Variants in MTMR3 observed in about 807,000 individuals in gnomAD.
MTMR3 encodes phosphatidylinositol-3,5-bisphosphate 3-phosphatase MTMR3.
In MTMR3, 32 loss-of-function variants were observed where a neutral mutation model predicts 132.4. The observed-to-expected ratio is 0.24, with a 90% CI of 0.18 to 0.32. The LOEUF is 0.32. Ranked by LOEUF, MTMR3 falls within the 10% of genes least tolerant of loss-of-function variation. MTMR3 has a pLI of 1.00. For missense variants in MTMR3, 1,216 were observed against 1,489.6 expected, an observed-to-expected ratio of 0.82 and a Z score of 3.02; for synonymous variants, 556 against 550.3, an observed-to-expected ratio of 1.01 and a Z score of -0.14.
intron 9 of MTMR3, chr22:30,003,304 A>G (rs1333083846): frequency 5.0e-6 from 1 of 200,530 alleles, no homozygotes. Flanking sequence ...ATTTAGCTTC[A>G]GCTGTTAGCA....
chr22:29,935,619 G>A (rs2065733216), intron 1 of MTMR3, among the ~76,000 whole-genome samples: 1 of 152,098 alleles, frequency 6.6e-6, no homozygotes, highest in Admixed American at 6.5e-5. Context: ...GCCACAAATT[G>A]TAGAGAATAG....
intron 2 of MTMR3, among the ~76,000 whole-genome samples, chr22:29,966,720 GGTGTGCGTGTGTGTGT>G (rs2066423225): frequency 8.6e-6 from 1 of 116,178 alleles, no homozygotes; most frequent in Non-Finnish European, 1.7e-5. Context: ...GACCTGTAGG[GGTGTGCGTGTGTGTGT>G]GTGTGTGTGT....
chr22:29,940,788 T>C (rs1470141632), intron 1 of MTMR3, among the ~76,000 whole-genome samples: 1 of 150,098 alleles, frequency 6.7e-6, no homozygotes, highest in Non-Finnish European at 1.5e-5. Context: ...CCTTGGAGGC[T>C]AATTATATTT....
At chr22:30,013,190 C>T in intron 13 of MTMR3, 166 bp from the exon 14 acceptor site, 1 of 538,582 alleles carries the variant, frequency 1.9e-6, no homozygotes. Context: ...GGGAAATTTC[C>T]CTAAGTGTGT....
At chr22:30,002,284 A>G (rs12484983) in intron 8 of MTMR3, 9,042 of 152,388 alleles carry the variant, frequency 0.059, 506 homozygotes, top group South Asian at 0.24. Context: ...GAGGCTGTGT[A>G]TGCAGATAGA....
chr22:29,892,116 G>A (rs1418345795), intron 1 of MTMR3, among the ~76,000 whole-genome samples: 1 of 151,272 alleles, frequency 6.6e-6, no homozygotes, highest in Non-Finnish European at 1.5e-5. Context: ...TTGTGCCACT[G>A]CACTGCAGCC....
chr22:29,956,626 T>C (rs963120784), intron 1 of MTMR3, among the ~76,000 whole-genome samples: 4 of 152,230 alleles, frequency 2.6e-5, no homozygotes, highest in African/African-American at 9.6e-5. Flanking sequence ...AAGCCAATTA[T>C]GTGTACAAAA....
In MTMR3 at chr22:29,910,742, T is replaced by G. The variant is rs1278393229; in HGVS notation, c.-138+27383T>G. 2.0e-5 allele frequency among the ~76,000 whole-genome samples: 3 copies of G among 151,314 alleles called. No homozygotes were observed. In the East Asian group the frequency reaches 5.8e-4, roughly 29 times the overall value. ...TTTTTTTTTTTTAACCTGTTAAGAC[T>G]TTTTTTTTCTTTCTCATATTTACCC... On this transcript the variant is annotated intron_variant, in intron 1 of 19. Coordinates refer to ENST00000401950, the MANE Select transcript of MTMR3 (RefSeq NM_021090.4).
rs1211095748 is a variant in MTMR3 at position 29,903,393 on chromosome 22, T to TC, written c.-138+20034_-138+20035insC. Among the ~76,000 whole-genome samples the TC allele has an allele frequency of 2.2e-3, 313 of 144,490 alleles. 1 individual carries two copies. Among genetic ancestry groups the TC allele is most frequent in the Middle Eastern group, 7.1e-3 (2 of 282 alleles). The allele number at this position is 144,490 out of a possible 152,430, so 94.8% of individuals were successfully genotyped here. On this transcript the variant is annotated intron_variant, in intron 1 of 19. Transcript: ENST00000401950. ...TTTTCTTTTTTTCTTTTTCTTTCTTTTTTTTTTTTTTTTTTGAGACAGGGT... is the reference window on the plus strand; with the variant it reads ...TTTTCTTTTTTTCTTTTTCTTTCTTTCTTTTTTTTTTTTTTTGAGACAGGGT...
chr22:29,951,723 A>G (rs1305277427), intron 1 of MTMR3, among the ~76,000 whole-genome samples: 3 of 152,166 alleles, frequency 2.0e-5, no homozygotes, highest in African/African-American at 7.2e-5. Flanking sequence ...AAAAAGGTCA[A>G]TTTATGTAAA....
intron 1 of MTMR3, among the ~76,000 whole-genome samples, chr22:29,886,828 T>C (rs2064687049): frequency 1.3e-5 from 2 of 152,192 alleles, no homozygotes; most frequent in South Asian, 4.1e-4. Flanking sequence ...GGTTTTACAT[T>C]GGGAACTTCA....
chr22:29,949,125 ACACACACACACACACACACCC>A (rs2066009468), intron 1 of MTMR3, among the ~76,000 whole-genome samples: 5 of 29,720 alleles, frequency 1.7e-4, no homozygotes, highest in Non-Finnish European at 2.5e-4. Flanking sequence ...ACACACACAC[ACACACACACACACACACACCC>A]CCCCCCCCCC....
intron 12 of MTMR3, 69 bp from the exon 13 acceptor site, chr22:30,012,299 C>G: frequency 6.7e-7 from 1 of 1,496,942 alleles, no homozygotes; most frequent in Non-Finnish European, 9.1e-7. Flanking sequence ...TTTCATTTGA[C>G]AATCATTGAG....
intron 1 of MTMR3, among the ~76,000 whole-genome samples, chr22:29,948,186 G>T (rs556597335): frequency 6.6e-6 from 1 of 152,290 alleles, no homozygotes; most frequent in African/African-American, 2.4e-5. Context: ...TTTCAATTGT[G>T]ATGACAGCAG....
chr22:29,927,939 G>GT (rs764629136), intron 1 of MTMR3, among the ~76,000 whole-genome samples: 13,652 of 106,882 alleles, frequency 0.13, 1,681 homozygotes, highest in African/African-American at 0.2. Flanking sequence ...TCTAGCCTTT[G>GT]TTTTTTTTTT....
rs1460914471 is a variant in MTMR3 at position 30,024,317 on chromosome 22, GA to G, written c.3426-1310del. The G allele has an allele frequency of 7.2e-5, 11 of 152,296 alleles. No individual in the cohort carries two copies. In the East Asian group the frequency reaches 2.1e-3, roughly 29 times the overall value. 9.4% of individuals were successfully genotyped at this position (152,296 alleles called of 1,614,324 possible). A position where few individuals can be genotyped will look rare whatever the true frequency, so the allele number is the denominator to read the frequency against. ...TCCCATCTCGAAAAAGTAAAGAAAA[GA>G]AAGAAAAGCATCAAATTCATGTCAG... On this transcript the variant is annotated intron_variant, in intron 19 of 19. Transcript: ENST00000401950.
At chr22:29,947,697 CT>C (rs1347645750) in intron 1 of MTMR3, among the ~76,000 whole-genome samples, 2 of 152,106 alleles carry the variant, frequency 1.3e-5, no homozygotes, top group African/African-American at 2.4e-5. Flanking sequence ...GTACTTTTGC[CT>C]TCCTTAAGTA....
At chr22:30,018,753 A>G (rs2067666844) in intron 16 of MTMR3, 1 of 151,740 alleles carries the variant, frequency 6.6e-6, no homozygotes, top group Non-Finnish European at 1.5e-5. Context: ...AAAAAAAAAG[A>G]AAAGAAAATT....
chr22:29,960,249 T>G (rs1352947157), intron 2 of MTMR3, among the ~76,000 whole-genome samples: 2 of 152,164 alleles, frequency 1.3e-5, no homozygotes. Flanking sequence ...GGGGGAATAT[T>G]GCTGTGAAGG....
Sources: allele counts gnomAD v4.1 joint callset (sites outside exome capture counted in the v4.1 genomes callset), GRCh38; gene constraint gnomAD v4.1.1; transcripts MANE v1.5; gene names NCBI Gene and HGNC (gene_info 2026-07-23, HGNC 2026-07-21).